The following CSN3 variants were observed in gnomAD, a reference collection of about 807,000 sequenced individuals.
The protein encoded by CSN3 is casein kappa, also known as kappa-casein.
CSN3 carries 7 observed loss-of-function variants against 9.9 expected under a neutral mutation model. That is an observed-to-expected ratio of 0.71 (90% CI 0.40 to 1.33). The LOEUF is 1.33. CSN3 is among the 40% of genes most tolerant of loss of function. The pLI is 0.01. For missense variants in CSN3, 253 were observed against 227.9 expected (o/e 1.11, Z -0.71); for synonymous variants, 88 against 82.3 (o/e 1.07, Z -0.37).
intron 2 of CSN3, among the ~76,000 whole-genome samples, chr4:70,245,490 A>G (rs1233827368): frequency 6.6e-6 from 1 of 152,154 alleles, no homozygotes; most frequent in Non-Finnish European, 1.5e-5. Flanking sequence ...AATTATATGC[A>G]ATGTTTTAAG....
chr4:70,249,373 G>A, exon 4 of CSN3: 11 of 1,614,100 alleles, frequency 6.8e-6, no homozygotes, highest in Non-Finnish European at 9.3e-6. Context: ...GGTGGACAGT[G>A]TAGTCACTCC....
At chr4:70,238,961 T>C (rs1730222575), upstream of CSN3, among the ~76,000 whole-genome samples, 1 of 151,864 alleles carries the variant, frequency 6.6e-6, no homozygotes. Context: ...TGGAGATGTC[T>C]ATTTTACGTG....
chr4:70,248,985 AT>A lies in CSN3; in HGVS notation c.88-5del, dbSNP rs57550378. 7.3e-5 allele frequency: 112 copies of A among 1,523,846 alleles called. No individual in the cohort carries two copies. Among genetic ancestry groups the A allele is most frequent in the Admixed American group, 1.7e-4 (8 of 47,252 alleles). The allele number at this position is 1,523,846 out of a possible 1,614,324, so 94.4% of individuals were successfully genotyped here. ...ATAATAATAATATTCTGTATAATTT[AT>A]TTTTTTTGCAGTGCCATGAGAATGA... is the stretch of plus-strand genomic sequence containing the variant. On this transcript the variant is annotated splice_polypyrimidine_tract_variant and intron_variant, in intron 3 of 4. Coordinates refer to ENST00000304954, the Ensembl canonical transcript of CSN3.
rs201750233 is a variant in CSN3 at position 70,248,986 on chromosome 4, T to C, written c.88-12T>C. On this transcript the variant is annotated splice_polypyrimidine_tract_variant and intron_variant, in intron 3 of 4. Coordinates refer to ENST00000304954, the Ensembl canonical transcript of CSN3. ...TAATAATAATATTCTGTATAATTTA[T>C]TTTTTTTGCAGTGCCATGAGAATGA... 6.8e-7 allele frequency: 1 copy of C among 1,463,808 alleles called. No individual in the cohort carries two copies. Among genetic ancestry groups the C allele is most frequent in the African/African-American group, 1.5e-5 (1 of 68,386 alleles). 90.7% of individuals were successfully genotyped at this position (1,463,808 alleles called of 1,614,324 possible).
In CSN3 at chr4:70,249,370, A is replaced by G. The variant is rs942469297; in HGVS notation, c.460A>G (p.Ser154Gly). 1.2e-5 allele frequency: 19 copies of G among 1,614,022 alleles called. No homozygotes were observed. The African/African-American group carries it at 2.4e-4, about 20-fold the overall frequency. ...TCCTGCCACTGAACCAACGGTGGAC[A>G]GTGTAGTCACTCCAGAAGCTTTTTC... The change falls in exon 4 of 5, where the codon AGT becomes GGT. Residue 154 changes from serine (S) to glycine (G), a missense_variant. Ser to Gly is a moderately conservative substitution (Grantham distance 56). Coordinates refer to ENST00000304954, the Ensembl canonical transcript of CSN3.
chr4:70,248,944 T>G, intron 3 of CSN3, 54 bp from the exon 4 acceptor site: 1 of 1,311,784 alleles, frequency 7.6e-7, no homozygotes, highest in South Asian at 1.5e-5. Flanking sequence ...TTTAAGGTAT[T>G]TCCACATTTG....
exon 4 of CSN3, chr4:70,249,083 A>T (rs1212436458): frequency 6.2e-7 from 1 of 1,613,992 alleles, no homozygotes; most frequent in East Asian, 2.2e-5. Flanking sequence ...TATCCTTATT[A>T]TGGAACCAAT....
At chr4:70,241,741 T>C (rs1730274216), upstream of CSN3, among the ~76,000 whole-genome samples, 4 of 152,138 alleles carry the variant, frequency 2.6e-5, no homozygotes, top group South Asian at 8.3e-4. Flanking sequence ...AATAATTTTT[T>C]TTTCAAAATG....
upstream of CSN3, chr4:70,242,561 C>T (rs2109693069): frequency 6.6e-6 from 1 of 151,132 alleles, no homozygotes; most frequent in South Asian, 2.1e-4. Context: ...ACTCAAGGTA[C>T]TAATACCCTT....
At chr4:70,250,958 G>A (rs1209356959) in intron 4 of CSN3, among the ~76,000 whole-genome samples, 1 of 152,106 alleles carries the variant, frequency 6.6e-6, no homozygotes, top group African/African-American at 2.4e-5. Context: ...TTATATTTTG[G>A]AGAACAAAAT....
At chr4:70,248,940 G>A (rs1325502193) in intron 3 of CSN3, 58 bp from the exon 4 acceptor site, 2 of 1,261,932 alleles carry the variant, frequency 1.6e-6, no homozygotes, top group Non-Finnish European at 2.2e-6. Context: ...CAGATTTAAG[G>A]TATTTCCACA....
chr4:70,247,865 A>G lies in CSN3; in HGVS notation c.87+15A>G. 1 of 1,591,494 alleles carries G rather than the reference A, an allele frequency of 6.3e-7. No homozygotes were observed. Among genetic ancestry groups the G allele is most frequent in the South Asian group, 1.2e-5 (1 of 86,316 alleles). On this transcript the variant is annotated intron_variant, in intron 3 of 4. Transcript: ENST00000304954. ...AACAACCAGCAGTAAGTCTATTTTA[A>G]TTACTTCTGTTACAGGCATGAACTA... is the stretch of plus-strand genomic sequence containing the variant.
At chr4:70,239,831 AT>A (rs1338314511), upstream of CSN3, among the ~76,000 whole-genome samples, 4 of 151,988 alleles carry the variant, frequency 2.6e-5, no homozygotes, top group African/African-American at 9.7e-5. Flanking sequence ...TTTGTTGACC[AT>A]TTTAAAGAGC....
exon 4 of CSN3, chr4:70,249,445 C>T: frequency 6.2e-7 from 1 of 1,611,692 alleles, no homozygotes; most frequent in South Asian, 1.1e-5. Context: ...TGCAGTTACT[C>T]CACCTACGGC....
chr4:70,238,825 G>C (rs1730219951), upstream of CSN3, among the ~76,000 whole-genome samples: 1 of 151,800 alleles, frequency 6.6e-6, no homozygotes, highest in African/African-American at 2.4e-5. Context: ...GGAGTCACCA[G>C]ATGGCCCCTG....
intron 4 of CSN3, among the ~76,000 whole-genome samples, 172 bp from the exon 5 acceptor site, chr4:70,251,090 T>C (rs1730473686): frequency 6.6e-6 from 1 of 152,200 alleles, no homozygotes; most frequent in Non-Finnish European, 1.5e-5. Context: ...ATAATGTCTA[T>C]TATTTTCAGT....
chr4:70,250,430 G>C (rs900724616), intron 4 of CSN3, among the ~76,000 whole-genome samples: 4 of 152,048 alleles, frequency 2.6e-5, no homozygotes, highest in Admixed American at 2.6e-4. Flanking sequence ...CCATAGGCTG[G>C]TCATTACTTT....
intron 1 of CSN3, 97 bp from the exon 2 acceptor site, chr4:70,244,715 C>A (rs1018747556): frequency 1.7e-6 from 1 of 581,356 alleles, no homozygotes; most frequent in Admixed American, 4.3e-5. Flanking sequence ...GTAAATCTGG[C>A]TTTTTTTCTT....
At chr4:70,249,838 C>T (rs1730450782) in intron 4 of CSN3, among the ~76,000 whole-genome samples, 1 of 152,100 alleles carries the variant, frequency 6.6e-6, no homozygotes, top group East Asian at 1.9e-4. Flanking sequence ...GTAACATTTT[C>T]ATGATATTTC....
Sources: allele counts gnomAD v4.1 joint callset (sites outside exome capture counted in the v4.1 genomes callset), GRCh38; gene constraint gnomAD v4.1.1; transcripts MANE v1.5; gene names NCBI Gene and HGNC (gene_info 2026-07-23, HGNC 2026-07-21).